ZNF445: variants seen among roughly 807,000 people sequenced by gnomAD.
ZNF445 encodes the protein zinc finger protein 445, also known as zinc finger protein 168.
A neutral mutation model predicts 93.9 loss-of-function variants in ZNF445; 19 were observed. That is an observed-to-expected ratio of 0.20 (90% CI 0.14 to 0.30). The LOEUF is 0.30. Among genes scored for constraint, ZNF445 ranks in the 10% least tolerant of loss-of-function variants. The pLI is 1.00. For synonymous variants in ZNF445, 449 were observed against 446.3 expected, an observed-to-expected ratio of 1.01 and a Z score of -0.08; for missense variants, 1,058 against 1,259.4, an observed-to-expected ratio of 0.84 and a Z score of 2.42.
At chr3:44,457,079 A>C (rs1254052907) in intron 2 of ZNF445, among the ~76,000 whole-genome samples, 1 of 152,180 alleles carries the variant, frequency 6.6e-6, no homozygotes, top group Non-Finnish European at 1.5e-5. Context: ...GCAGTGAGAC[A>C]AGATCGTGGC....
At chr3:44,467,334 G>T (rs908677315) in intron 1 of ZNF445, among the ~76,000 whole-genome samples, 2 of 152,158 alleles carry the variant, frequency 1.3e-5, no homozygotes, top group African/African-American at 4.8e-5. Flanking sequence ...AGTGCAATAA[G>T]AATCTGTTTT....
At position 44,477,651 on chromosome 3, in the gene ZNF445, G is replaced by C. The variant is rs1017859957; in HGVS notation, c.-329C>G. ...CCGCCACCGCAGCCGCCCGTCCCGCGCCTACCTCCCGGCGGCTCCAGTCGC... is the reference window on the plus strand; with the variant it reads ...CCGCCACCGCAGCCGCCCGTCCCGCCCCTACCTCCCGGCGGCTCCAGTCGC... On this transcript the variant is annotated 5_prime_UTR_variant, in exon 1 of 8. Coordinates refer to ENST00000396077, the MANE Select transcript of ZNF445 (RefSeq NM_181489.6). 6.6e-6 allele frequency: 1 copy of C among 152,530 alleles called. No homozygotes were observed. Among genetic ancestry groups the C allele is most frequent in the Non-Finnish European group, 1.5e-5 (1 of 68,144 alleles). 9.4% of individuals were successfully genotyped at this position (152,530 alleles called of 1,614,324 possible).
In ZNF445 at chr3:44,437,072, C is replaced by CT. The variant is rs1228028826; in HGVS notation, c.*9502dup. ...AGCAGCCCCGAGGGCTGCTGGTTGT[C>CT]TATTTTATGGTTTCTTGATGATATG... On this transcript the variant is annotated 3_prime_UTR_variant, in exon 8 of 8. Coordinates refer to ENST00000396077, the MANE Select transcript of ZNF445 (RefSeq NM_181489.6). 6.6e-6 allele frequency: 1 copy of CT among 152,114 alleles called. No individual in the cohort carries two copies. Among genetic ancestry groups the CT allele is most frequent in the Non-Finnish European group, 1.5e-5 (1 of 68,016 alleles). The allele number at this position is 152,114 out of a possible 1,614,324, so 9.4% of individuals were successfully genotyped here.
rs1697679023 is a variant in ZNF445, at chr3:44,436,314, T to C, written c.*10261A>G. 6.6e-6 allele frequency: 1 copy of C among 152,248 alleles called. No homozygotes were observed. Among genetic ancestry groups the C allele is most frequent in the African/African-American group, 2.4e-5 (1 of 41,462 alleles). 9.4% of individuals were successfully genotyped at this position (152,248 alleles called of 1,614,324 possible). Reference sequence around the variant, plus strand: ...ATTCAGGATCCTGCTTTGGCTGCACTGTCCATGGCAGTCACCACACCAATT... The same window carrying C: ...ATTCAGGATCCTGCTTTGGCTGCACCGTCCATGGCAGTCACCACACCAATT... On this transcript the variant is annotated 3_prime_UTR_variant, in exon 8 of 8. Transcript: ENST00000396077.
intron 1 of ZNF445, among the ~76,000 whole-genome samples, chr3:44,474,685 A>C (rs1317630438): frequency 6.6e-6 from 1 of 152,226 alleles, no homozygotes; most frequent in Non-Finnish European, 1.5e-5. Flanking sequence ...ATGCTTAAAT[A>C]AACTTTTAAA....
At chr3:44,451,609 T>C (rs956119510) in intron 3 of ZNF445, 127 bp from the exon 4 acceptor site, 18 of 1,039,738 alleles carry the variant, frequency 1.7e-5, no homozygotes, top group Non-Finnish European at 2.4e-5. Flanking sequence ...CCTTTATTAC[T>C]TCCAGGCAGG....
At position 44,434,423 on chromosome 3, in the gene ZNF445, AGAG is replaced by A. The variant is rs1288813899; in HGVS notation, c.*12149_*12151del. The A allele has an allele frequency of 6.7e-6, 1 of 149,876 alleles. No homozygotes were observed. Among genetic ancestry groups the A allele is most frequent in the African/African-American group, 2.5e-5 (1 of 40,728 alleles). The allele number at this position is 149,876 out of a possible 1,614,324, so 9.3% of individuals were successfully genotyped here. A position where few individuals can be genotyped will look rare whatever the true frequency, so the allele number is the denominator to read the frequency against. The stretch of plus-strand genomic sequence containing the variant: ...CTCTGTCTCAAAAAAGAAAAAAAAA[AGAG>A]AGAAAGAAGTTTTGGAAACATTATT... On this transcript the variant is annotated 3_prime_UTR_variant, in exon 8 of 8. Coordinates refer to ENST00000396077, the MANE Select transcript of ZNF445 (RefSeq NM_181489.6).
At chr3:44,458,696 C>G (rs569102036) in intron 1 of ZNF445, among the ~76,000 whole-genome samples, 1 of 152,078 alleles carries the variant, frequency 6.6e-6, no homozygotes, top group African/African-American at 2.4e-5. Context: ...ACCTTTTCTT[C>G]CCCTCCTTTC....
chr3:44,470,379 G>A (rs193244053), intron 1 of ZNF445, among the ~76,000 whole-genome samples: 36 of 152,288 alleles, frequency 2.4e-4, no homozygotes, highest in Admixed American at 1.6e-3. Context: ...GACTGTATAC[G>A]CATGTATGTG....
At position 44,455,567 on chromosome 3, in the gene ZNF445, T is replaced by C; in HGVS notation, c.-18A>G. ...GGAGGCATCACTCCTGTTCAGGGAC[T>C]AACCAGAAGAGTGCGAACCAAGTCC... On this transcript the variant is annotated 5_prime_UTR_variant, in exon 3 of 8. Transcript: ENST00000396077. The C allele has an allele frequency of 6.4e-7, 1 of 1,552,532 alleles. No homozygotes were observed. The highest frequency in any genetic ancestry group is 8.7e-7 in the Non-Finnish European group (1 of 1,151,194).
At chr3:44,468,517 G>T (rs868355984) in intron 1 of ZNF445, among the ~76,000 whole-genome samples, 10 of 152,306 alleles carry the variant, frequency 6.6e-5, no homozygotes, top group African/African-American at 2.4e-4. Flanking sequence ...TGGTTTAGGA[G>T]TCATGCAGCT....
At chr3:44,463,841 C>T (rs750635502) in intron 1 of ZNF445, among the ~76,000 whole-genome samples, 3 of 152,132 alleles carry the variant, frequency 2.0e-5, no homozygotes, top group Non-Finnish European at 2.9e-5. Flanking sequence ...AAGCACTGCA[C>T]TGTCGACTGG....
At chr3:44,450,826 G>T in intron 5 of ZNF445, 42 bp downstream of exon 5, 5 of 1,471,738 alleles carry the variant, frequency 3.4e-6, no homozygotes, top group Non-Finnish European at 4.5e-6. Flanking sequence ...ATTAGGCAGC[G>T]ACGTGGGGAC....
At chr3:44,462,175 G>A (rs559657183) in intron 1 of ZNF445, among the ~76,000 whole-genome samples, 1 of 152,272 alleles carries the variant, frequency 6.6e-6, no homozygotes, top group Admixed American at 6.5e-5. Flanking sequence ...GTGGGTTTAG[G>A]ACCCCTATAA....
At position 44,446,243 on chromosome 3, in the gene ZNF445, T is replaced by C. The variant is rs140229035; in HGVS notation, c.*332A>G. The C allele has an allele frequency of 2.1e-3, 632 of 301,516 alleles. 8 individuals carry two copies. The highest frequency in any genetic ancestry group is 0.013 in the African/African-American group (582 of 45,160). The allele number at this position is 301,516 out of a possible 1,614,324, so 18.7% of individuals were successfully genotyped here. On this transcript the variant is annotated 3_prime_UTR_variant, in exon 8 of 8. Coordinates refer to ENST00000396077, the MANE Select transcript of ZNF445 (RefSeq NM_181489.6). This position sits in a 1 kb window ranked among gnomAD's most constrained non-coding sequence, Gnocchi z 4.2. ...CCATAGCCCATGATGCCACAGATAT[T>C]CTGTCCAACCACAAAGGGCAGTGGT...
rs754643325 is a variant in ZNF445, at chr3:44,447,536, C to T, written c.2135G>A (p.Ser712Asn). ...ATAGGCAAAGTCCTTCCCACAATCG[C>T]TACACTGGTAAGGTTTCTCACCTGT... ...IHTGEKPYQC[S>N]DCGKDFAYRS... Residue 712 changes from serine to asparagine, a missense_variant, in exon 8 of 8, where the codon AGC becomes AAC. This residue lies in a region of ZNF445 where 387 missense variants were observed against 475.7 expected (regional missense o/e 0.81). Coordinates refer to ENST00000396077, the MANE Select transcript of ZNF445 (RefSeq NM_181489.6). The surrounding 1 kb of genome is among the most constrained non-coding windows in gnomAD (Gnocchi z 4.7). 1.9e-6 allele frequency: 3 copies of T among 1,614,172 alleles called. No individual in the cohort carries two copies. The Admixed American group carries it at 5.0e-5, about 27-fold the overall frequency.
Position 44,441,568 on chromosome 3 carries a change from G to C in ZNF445, c.*5007C>G, listed in dbSNP as rs1472565623. 6.6e-6 allele frequency: 1 copy of C among 152,200 alleles called. No individual in the cohort carries two copies. Among genetic ancestry groups the C allele is most frequent in the Non-Finnish European group, 1.5e-5 (1 of 68,034 alleles). 9.4% of individuals were successfully genotyped at this position (152,200 alleles called of 1,614,324 possible). On this transcript the variant is annotated 3_prime_UTR_variant, in exon 8 of 8. Coordinates refer to ENST00000396077, the MANE Select transcript of ZNF445 (RefSeq NM_181489.6). ...AGGTGAGGAAATGGAAGCCTTGAAA[G>C]ATTAGGTGGCTCACTCTAAGTAACA...
At position 44,448,104 on chromosome 3, in the gene ZNF445, G is replaced by A. The variant is rs951843288; in HGVS notation, c.1567C>T (p.Arg523Trp). Residue 523 changes from arginine (R) to tryptophan (W), a missense_variant, in exon 8 of 8, where the codon CGG (arginine) becomes TGG (tryptophan). Transcript: ENST00000396077. ...TGCCGCGCACAGTTGGAACTCCACC[G>A]GAAGGCTTTCCCACACACCCTACAT... Reference protein sequence around the residue: ...FKCRVCGKAFRWSSNCARHEK... With the variant: ...FKCRVCGKAFWWSSNCARHEK... 4.3e-6 allele frequency: 7 copies of A among 1,613,380 alleles called. No homozygotes were observed. The highest frequency in any genetic ancestry group is 1.3e-5 in the African/African-American group (1 of 74,852).
chr3:44,449,048 C>T lies in ZNF445; in HGVS notation c.932-309G>A, dbSNP rs529460819. ...AAAATCATGGCATTATAGAAAGGTA[C>T]CCAAAAGCCAAGGGGTGGGGCTCCA... On this transcript the variant is annotated intron_variant, in intron 7 of 7. Coordinates refer to ENST00000396077, the MANE Select transcript of ZNF445 (RefSeq NM_181489.6). Among the ~76,000 whole-genome samples the T allele has an allele frequency of 4.6e-5, 7 of 152,190 alleles. No individual in the cohort carries two copies. In the South Asian group the frequency reaches 1.2e-3, roughly 27 times the overall value.
Sources: allele counts gnomAD v4.1 joint callset (sites outside exome capture counted in the v4.1 genomes callset), GRCh38; gene constraint gnomAD v4.1.1; regional missense constraint gnomAD v4.1.1; non-coding constraint Gnocchi (gnomAD v3.1); transcripts MANE v1.5; gene names NCBI Gene and HGNC (gene_info 2026-07-23, HGNC 2026-07-21).